The following DNAH11 variants were observed in gnomAD, a reference collection of about 807,000 sequenced individuals.
DNAH11 encodes dynein axonemal heavy chain 11, also known as axonemal beta dynein heavy chain 11.
Under a neutral mutation model 526.0 loss-of-function variants are expected in DNAH11, and 442 were observed. The observed-to-expected ratio is 0.84, with a 90% CI of 0.78 to 0.91. DNAH11 has a LOEUF of 0.91. Ranked by LOEUF, DNAH11 falls within the 40% of genes least tolerant of loss-of-function variation. The pLI is 0.00. For missense variants in DNAH11, 6,989 were observed against 5,448.7 expected (o/e 1.28, Z -8.90); for synonymous variants, 2,461 against 1,935.9 (o/e 1.27, Z -7.12).
At chr7:21,646,688 A>G (rs1441399792) in intron 28 of DNAH11, among the ~76,000 whole-genome samples, 2 of 152,168 alleles carry the variant, frequency 1.3e-5, no homozygotes, top group African/African-American at 2.4e-5. Context: ...TCTACCAACT[A>G]GACTTGAAGC....
chr7:21,802,032 T>A (rs1044014960), intron 62 of DNAH11, among the ~76,000 whole-genome samples: 1 of 152,230 alleles, frequency 6.6e-6, no homozygotes, highest in African/African-American at 2.4e-5. Flanking sequence ...CGTCTTCAAC[T>A]TTGTTTTCTT....
At chr7:21,854,700 A>G (rs941202549) in intron 68 of DNAH11, among the ~76,000 whole-genome samples, 5 of 151,862 alleles carry the variant, frequency 3.3e-5, no homozygotes, top group African/African-American at 1.2e-4. Context: ...GCGCCACCAC[A>G]CCTGGCTAAT....
chr7:21,808,750 C>T (rs529566370), intron 63 of DNAH11, among the ~76,000 whole-genome samples: 2 of 152,246 alleles, frequency 1.3e-5, no homozygotes, highest in East Asian at 3.9e-4. Context: ...TTCCATTGTG[C>T]ATGTATATCA....
intron 14 of DNAH11, among the ~76,000 whole-genome samples, chr7:21,595,241 G>A (rs1482320690): frequency 6.6e-6 from 1 of 152,152 alleles, no homozygotes; most frequent in East Asian, 1.9e-4. Flanking sequence ...TTTCATATAG[G>A]CAGTACTTTC....
In DNAH11 at chr7:21,778,999, G is replaced by A; in HGVS notation, c.9378G>A (p.Glu3126=). The change falls in exon 57 of 82, where the codon GAG becomes GAA. Residue 3126 remains glutamate, a synonymous_variant. Transcript: ENST00000409508. ...LKARLASQEA[E]LQLRNHDAEA... is the part of the protein sequence containing the mutation. ...CCAGACTTGCCTCTCAAGAAGCCGA[G>A]CTGCAACTGAGAAATCATGATGCCG... The A allele has an allele frequency of 6.2e-7, 1 of 1,613,436 alleles. No individual in the cohort carries two copies.
At chr7:21,851,228 G>A (rs1453393462) in intron 66 of DNAH11, 2 of 216,960 alleles carry the variant, frequency 9.2e-6, no homozygotes, top group South Asian at 7.9e-5. Context: ...AAGATCTGAT[G>A]GTTTTATAAG....
intron 76 of DNAH11, among the ~76,000 whole-genome samples, chr7:21,891,191 T>G (rs1418258189): frequency 2.0e-5 from 3 of 152,176 alleles, no homozygotes; most frequent in Non-Finnish European, 4.4e-5. Flanking sequence ...GGGTACATAT[T>G]ACTGAATGAA....
At chr7:21,566,147 G>GGAGA (rs1318025365) in intron 6 of DNAH11, among the ~76,000 whole-genome samples, 1 of 152,150 alleles carries the variant, frequency 6.6e-6, no homozygotes, top group East Asian at 1.9e-4. Flanking sequence ...GAATCACAGA[G>GGAGA]GAGACCATTT....
chr7:21,618,893 C>T (rs928819300), intron 23 of DNAH11, among the ~76,000 whole-genome samples: 1 of 152,124 alleles, frequency 6.6e-6, no homozygotes, highest in African/African-American at 2.4e-5. Context: ...TGTGACTAAA[C>T]TGTGGCCCTT....
chr7:21,626,504 G>A (rs182715164), intron 25 of DNAH11, among the ~76,000 whole-genome samples: 54 of 152,006 alleles, frequency 3.6e-4, no homozygotes, highest in Admixed American at 2.0e-3. Context: ...TACATTTTTC[G>A]TTCTTTGAAA....
At chr7:21,674,877 A>C (rs1789945164) in intron 30 of DNAH11, among the ~76,000 whole-genome samples, 1 of 152,074 alleles carries the variant, frequency 6.6e-6, no homozygotes, top group South Asian at 2.1e-4. Flanking sequence ...AGAACAAAAA[A>C]CCAACATACT....
At chr7:21,721,621 A>G (rs1414027635) in intron 44 of DNAH11, among the ~76,000 whole-genome samples, 1 of 152,140 alleles carries the variant, frequency 6.6e-6, no homozygotes, top group African/African-American at 2.4e-5. Context: ...AGAAAGACAT[A>G]CTGGTTTCTC....
intron 6 of DNAH11, 123 bp from the exon 7 acceptor site, chr7:21,569,946 T>G (rs1783820602): frequency 1.4e-6 from 1 of 732,578 alleles, no homozygotes; most frequent in Non-Finnish European, 2.2e-6. Flanking sequence ...CTTTCTTTCT[T>G]TCAGCATTGC....
intron 10 of DNAH11, 119 bp from the exon 11 acceptor site, chr7:21,588,393 T>A: frequency 2.2e-6 from 3 of 1,371,716 alleles, no homozygotes; most frequent in Non-Finnish European, 2.0e-6. Flanking sequence ...ATCAAGTGAT[T>A]AAACACATAT....
rs1784329446 is a variant in DNAH11, at chr7:21,707,853, G to C, written c.6683+18G>C. On this transcript the variant is annotated intron_variant, in intron 40 of 81. Coordinates refer to ENST00000409508, the MANE Select transcript of DNAH11 (RefSeq NM_001277115.2). ...GATGGCAAGTAGTATTTCCCCTTTAGAAGTGCTCAATTTTTTTTTTCTATC... is the reference window on the plus strand; with the variant it reads ...GATGGCAAGTAGTATTTCCCCTTTACAAGTGCTCAATTTTTTTTTTCTATC... The C allele has an allele frequency of 6.4e-7, 1 of 1,553,708 alleles. No individual in the cohort carries two copies. The highest frequency in any genetic ancestry group is 8.7e-7 in the Non-Finnish European group (1 of 1,151,752).
At position 21,704,445 on chromosome 7, in the gene DNAH11, A is replaced by T; in HGVS notation, c.6285A>T (p.Arg2095Ser). 6.2e-7 allele frequency: 1 copy of T among 1,612,996 alleles called. No individual in the cohort carries two copies. Among genetic ancestry groups the T allele is most frequent in the South Asian group, 1.1e-5 (1 of 90,884 alleles). Residue 2095 changes from arginine (R) to serine (S), a missense_variant, in exon 38 of 82, where the codon AGA becomes AGT. Arg to Ser is a moderately radical substitution (Grantham distance 110). Transcript: ENST00000409508. ...KNRPEDQVLM[R>S]ALRDFNMPKI... ...GTTTTTTTTTCTAGGTACTCATGAG[A>T]GCATTAAGGGATTTCAATATGCCCA...
intron 24 of DNAH11, 48 bp from the exon 25 acceptor site, chr7:21,619,908 G>A: frequency 2.6e-6 from 4 of 1,509,710 alleles, no homozygotes; most frequent in African/African-American, 2.9e-5. Context: ...TCTACATATT[G>A]ATTATCAATT....
At position 21,561,054 on chromosome 7, in the gene DNAH11, T is replaced by A; in HGVS notation, c.883-17T>A. On this transcript the variant is annotated splice_polypyrimidine_tract_variant and intron_variant, in intron 4 of 81. Coordinates refer to ENST00000409508, the MANE Select transcript of DNAH11 (RefSeq NM_001277115.2). ...GTTTATATTTATTAAAGTTCTTCTT[T>A]TTTTCCTTTAACTTAGCTTCAGGCA... is the stretch of plus-strand genomic sequence containing the variant. 6.5e-7 allele frequency: 1 copy of A among 1,538,338 alleles called. No homozygotes were observed. Among genetic ancestry groups the A allele is most frequent in the Non-Finnish European group, 8.8e-7 (1 of 1,131,618 alleles).
At chr7:21,782,420 T>C (rs982479090) in intron 57 of DNAH11, among the ~76,000 whole-genome samples, 1 of 152,250 alleles carries the variant, frequency 6.6e-6, no homozygotes, top group Non-Finnish European at 1.5e-5. Context: ...ATTTTCACTC[T>C]TCTAGTATTG....
Sources: gnomAD v4.1 joint callset for allele counts (sites outside exome capture counted in the v4.1 genomes callset) on GRCh38, gnomAD v4.1.1 for gene constraint, MANE v1.5 for transcripts, NCBI Gene and HGNC (gene_info 2026-07-23, HGNC 2026-07-21) for gene names.